Variants in PDE4D observed in about 807,000 individuals in gnomAD.
PDE4D encodes phosphodiesterase 4D, also known as 3',5'-cyclic-AMP phosphodiesterase 4D.
Under a neutral mutation model 87.4 loss-of-function variants are expected in PDE4D, and 24 were observed. The ratio of observed to expected loss-of-function variants is 0.27; its 90% CI spans 0.20 to 0.39. The LOEUF is 0.39. Ranked by LOEUF, PDE4D falls within the 10% of genes least tolerant of loss-of-function variation. The pLI is 1.00. For synonymous variants in PDE4D, 384 were observed against 383.2 expected (o/e 1.00, Z -0.02); for missense variants, 714 against 1,041.0 (o/e 0.69, Z 4.32).
chr5:60,395,811 G>A (rs540293571), intron 1 of PDE4D, among the ~76,000 whole-genome samples: 26 of 149,050 alleles, frequency 1.7e-4, no homozygotes, highest in African/African-American at 5.2e-4. Flanking sequence ...CTCCCTCCCC[G>A]CTCTGCATCT....
At chr5:59,469,876 G>A (rs776575080) in intron 1 of PDE4D, among the ~76,000 whole-genome samples, 1 of 152,106 alleles carries the variant, frequency 6.6e-6, no homozygotes, top group African/African-American at 2.4e-5. Flanking sequence ...AGCACAAAAA[G>A]GCATTGCACC....
chr5:59,022,603 C>T (rs1755402374), intron 6 of PDE4D, among the ~76,000 whole-genome samples: 1 of 152,146 alleles, frequency 6.6e-6, no homozygotes, highest in Non-Finnish European at 1.5e-5. Flanking sequence ...AAATCCTTTA[C>T]AGCTCAGATT....
At chr5:59,800,107 T>C (rs1766941121) in intron 1 of PDE4D, among the ~76,000 whole-genome samples, 1 of 152,056 alleles carries the variant, frequency 6.6e-6, no homozygotes, top group South Asian at 2.1e-4. Context: ...GGAGGTCTAG[T>C]CATTAAAAAA....
intron 1 of PDE4D, among the ~76,000 whole-genome samples, chr5:60,462,980 G>T (rs1747075197): frequency 6.6e-6 from 1 of 152,140 alleles, no homozygotes; most frequent in Non-Finnish European, 1.5e-5. Flanking sequence ...AAGTTTGTAG[G>T]TTGACATTCC....
chr5:59,131,373 G>T (rs1038105473), intron 5 of PDE4D, among the ~76,000 whole-genome samples: 1 of 152,108 alleles, frequency 6.6e-6, no homozygotes, highest in African/African-American at 2.4e-5. Context: ...TGATACACAA[G>T]TACTAGTGAA....
chr5:60,006,533 C>T (rs1764495015), intron 2 of PDE4D, among the ~76,000 whole-genome samples: 2 of 151,866 alleles, frequency 1.3e-5, no homozygotes, highest in African/African-American at 4.8e-5. Context: ...AATATGTCCC[C>T]CATGCCCTAT....
chr5:59,453,879 C>A (rs2153641944), intron 1 of PDE4D, among the ~76,000 whole-genome samples: 1 of 152,302 alleles, frequency 6.6e-6, no homozygotes, highest in South Asian at 2.1e-4. Context: ...GAAGAAGATG[C>A]CATTTAGCAC....
rs1583012754 is a variant in PDE4D at position 60,187,683 on chromosome 5, C to G, written c.-89-1996G>C. On this transcript the variant is annotated intron_variant, in intron 1 of 16. Coordinates refer to the PDE4D transcript ENST00000502484. Reference sequence around the variant, plus strand: ...GATACTTTCCTATGGGAATTTAGAACTTAGAGAAATTTCAATAGGCAGAGA... The same window carrying G: ...GATACTTTCCTATGGGAATTTAGAAGTTAGAGAAATTTCAATAGGCAGAGA... Among the ~76,000 whole-genome samples the G allele has an allele frequency of 2.0e-5, 3 of 152,226 alleles. No individual in the cohort carries two copies. In the South Asian group the frequency reaches 6.2e-4, roughly 32 times the overall value.
intron 1 of PDE4D, among the ~76,000 whole-genome samples, chr5:59,364,831 G>T (rs1782784261): frequency 6.6e-6 from 1 of 150,780 alleles, no homozygotes. Context: ...CCTCTCTCTT[G>T]CCCACCCACC....
chr5:58,978,465 C>T (rs1744331303), intron 11 of PDE4D, among the ~76,000 whole-genome samples: 1 of 151,438 alleles, frequency 6.6e-6, no homozygotes, highest in East Asian at 2.1e-4. Flanking sequence ...GGTATTTGAT[C>T]TTTTTTCTAA....
chr5:60,086,303 TAACA>T (rs1357112233), intron 2 of PDE4D, among the ~76,000 whole-genome samples: 1 of 152,214 alleles, frequency 6.6e-6, no homozygotes, highest in Non-Finnish European at 1.5e-5. Flanking sequence ...TAAAATCAAA[TAACA>T]AACTATTGCT....
intron 1 of PDE4D, among the ~76,000 whole-genome samples, chr5:59,402,738 G>A (rs1790890977): frequency 6.6e-6 from 1 of 152,082 alleles, no homozygotes; most frequent in African/African-American, 2.4e-5. Flanking sequence ...ACAAGTTGCA[G>A]GAGTCTTTTG....
At chr5:59,330,673 T>C (rs572616124) in intron 1 of PDE4D, among the ~76,000 whole-genome samples, 3 of 152,208 alleles carry the variant, frequency 2.0e-5, no homozygotes, top group Non-Finnish European at 4.4e-5. Flanking sequence ...AGGAAAATAA[T>C]GTCTTTTAGT....
At chr5:59,156,339 G>A (rs62356735) in intron 5 of PDE4D, among the ~76,000 whole-genome samples, 14,658 of 63,436 alleles carry the variant, frequency 0.23, 1,260 homozygotes, top group African/African-American at 0.34. Context: ...ATATGTGTGT[G>A]TGTGTGTGTG....
intron 1 of PDE4D, among the ~76,000 whole-genome samples, chr5:60,219,227 C>T (rs1017989172): frequency 3.3e-5 from 5 of 152,118 alleles, no homozygotes; most frequent in African/African-American, 1.2e-4. Flanking sequence ...AAGTTAAAAG[C>T]AGTAAACATA....
In PDE4D at chr5:59,156,331, A is replaced by ATATATATG. The variant is rs1384479557; in HGVS notation, c.808+24263_808+24264insCATATATA. On this transcript the variant is annotated intron_variant, in intron 5 of 14. Coordinates refer to ENST00000340635, the MANE Select transcript of PDE4D (RefSeq NM_001104631.2). ...CCAGAAAAAAAAAAAATATATATAT[A>ATATATATG]TGTGTGTGTGTGTGTGTGTGTGTGT... 3.0e-3 allele frequency among the ~76,000 whole-genome samples: 371 copies of ATATATATG among 122,726 alleles called. 1 individual carries two copies. The highest frequency in any genetic ancestry group is 0.012 in the African/African-American group (349 of 29,626). 80.5% of individuals were successfully genotyped at this position (122,726 alleles called of 152,430 possible). A position where few individuals can be genotyped will look rare whatever the true frequency, so the allele number is the denominator to read the frequency against.
chr5:59,971,113 A>G (rs1760697879), intron 3 of PDE4D, among the ~76,000 whole-genome samples: 1 of 150,422 alleles, frequency 6.6e-6, no homozygotes, highest in African/African-American at 2.4e-5. Context: ...AAGAACAAAA[A>G]ACCAAACACC....
At chr5:60,444,765 A>C (rs1438624767) in intron 1 of PDE4D, among the ~76,000 whole-genome samples, 1 of 151,926 alleles carries the variant, frequency 6.6e-6, no homozygotes, top group Admixed American at 6.6e-5. Flanking sequence ...GAGGGCAGGC[A>C]GGTAAGAAAG....
chr5:60,460,570 C>T, intron 1 of PDE4D: 1 of 1,323,708 alleles, frequency 7.6e-7, no homozygotes, highest in South Asian at 1.2e-5. Context: ...TTCATTAAGT[C>T]TGTCTATTTC....
Sources: allele counts gnomAD v4.1 joint callset (sites outside exome capture counted in the v4.1 genomes callset), GRCh38; gene constraint gnomAD v4.1.1; transcripts MANE v1.5; gene names NCBI Gene and HGNC (gene_info 2026-07-23, HGNC 2026-07-21).